The following NETO1 variants were observed in gnomAD, a reference collection of about 807,000 sequenced individuals.
The protein encoded by NETO1 is neuropilin and tolloid like 1, also known as neuropilin and tolloid-like protein 1.
In NETO1, 26 loss-of-function variants were observed where a neutral mutation model predicts 61.3. The ratio of observed to expected loss-of-function variants is 0.42; its 90% CI spans 0.31 to 0.59. The LOEUF (loss-of-function observed/expected upper bound fraction) is 0.59, where lower values mean the gene tolerates loss of function less well. Among genes scored for constraint, NETO1 ranks in the 20% least tolerant of loss-of-function variants. NETO1 has a pLI of 0.12. For synonymous variants in NETO1, 225 were observed against 225.8 expected, an observed-to-expected ratio of 1.00 and a Z score of 0.03; for missense variants, 531 against 662.8, an observed-to-expected ratio of 0.80 and a Z score of 2.18.
rs117183005 is a variant in NETO1, at chr18:72,830,440, C to T, written c.469+28386G>A. Among the ~76,000 whole-genome samples the T allele has an allele frequency of 1.1e-3, 162 of 152,154 alleles. 1 individual carries two copies. Among genetic ancestry groups the T allele is most frequent in the Middle Eastern group, 6.8e-3 (2 of 294 alleles). On this transcript the variant is annotated intron_variant, in intron 4 of 10. Coordinates refer to ENST00000327305, the MANE Select transcript of NETO1 (RefSeq NM_138966.5). The surrounding 1 kb of genome is among the most constrained non-coding windows in gnomAD (Gnocchi z 4.9). Reference sequence around the variant, plus strand: ...ATTTTGTGAGATCACCTTTGCTGGGCGGTGAAAGGGACCAGGGCATCTAAA... The same window carrying T: ...ATTTTGTGAGATCACCTTTGCTGGGTGGTGAAAGGGACCAGGGCATCTAAA...
At chr18:72,853,014 T>C (rs184340889) in intron 4 of NETO1, among the ~76,000 whole-genome samples, 1 of 151,862 alleles carries the variant, frequency 6.6e-6, no homozygotes, top group Non-Finnish European at 1.5e-5. Context: ...TTTGTATTTT[T>C]AGTAGAGACA....
At chr18:72,811,669 G>T (rs1486259425) in intron 4 of NETO1, among the ~76,000 whole-genome samples, 1 of 152,156 alleles carries the variant, frequency 6.6e-6, no homozygotes, top group Non-Finnish European at 1.5e-5. Context: ...GCCGGGTGTG[G>T]TGGCATGTGC....
At chr18:72,838,904 T>G (rs535390243) in intron 4 of NETO1, among the ~76,000 whole-genome samples, 1 of 152,310 alleles carries the variant, frequency 6.6e-6, no homozygotes, top group Non-Finnish European at 1.5e-5. Flanking sequence ...TTCATTAAAA[T>G]TTTGGAGCAA....
At chr18:72,766,530 G>A (rs2145156173) in intron 7 of NETO1, among the ~76,000 whole-genome samples, 1 of 151,880 alleles carries the variant, frequency 6.6e-6, no homozygotes, top group African/African-American at 2.4e-5. Context: ...CTTCATAGTT[G>A]TTTTGAAAAA....
chr18:72,867,782 C>CGGG lies in NETO1; in HGVS notation c.-492_-491insCCC, dbSNP rs2074786015. On this transcript the variant is annotated 5_prime_UTR_variant, in exon 1 of 11. Transcript: ENST00000327305. ...CCGACGGCAGCGACGGAGCGGGCGG[C>CGGG]GGCGGCGGCGCCGGCGGCGGCGGGG... is the stretch of plus-strand genomic sequence containing the variant. 1 of 156,140 alleles carries CGGG rather than the reference C, an allele frequency of 6.4e-6. No homozygotes were observed. The highest frequency in any genetic ancestry group is 1.4e-5 in the Non-Finnish European group (1 of 73,624). The allele number at this position is 156,140 out of a possible 1,614,324, so 9.7% of individuals were successfully genotyped here. A position where few individuals can be genotyped will look rare whatever the true frequency, so the allele number is the denominator to read the frequency against.
At chr18:72,754,264 A>C (rs972941356) in intron 8 of NETO1, among the ~76,000 whole-genome samples, 1 of 152,142 alleles carries the variant, frequency 6.6e-6, no homozygotes, top group Admixed American at 6.6e-5. Flanking sequence ...GCAATAAAGA[A>C]GGAAAAGAGA....
chr18:72,863,266 T>C (rs894929666), intron 3 of NETO1, among the ~76,000 whole-genome samples: 2 of 152,212 alleles, frequency 1.3e-5, no homozygotes, highest in African/African-American at 2.4e-5. Context: ...AACCATATCA[T>C]AGCTCTGAAC....
intron 4 of NETO1, among the ~76,000 whole-genome samples, chr18:72,829,152 A>T (rs1468105895): frequency 6.6e-6 from 1 of 152,238 alleles, no homozygotes; most frequent in Non-Finnish European, 1.5e-5. Context: ...CACAATCATT[A>T]TAAAAAAAGA....
chr18:72,761,934 C>G (rs1343603612), intron 7 of NETO1, among the ~76,000 whole-genome samples: 2 of 152,132 alleles, frequency 1.3e-5, no homozygotes, highest in Non-Finnish European at 1.5e-5. Flanking sequence ...CTTGCACCCA[C>G]TGAAAGATTC....
chr18:72,797,565 T>C (rs1047303548), intron 4 of NETO1, among the ~76,000 whole-genome samples: 22 of 152,192 alleles, frequency 1.4e-4, no homozygotes, highest in African/African-American at 4.6e-4. Context: ...CACGATAACG[T>C]TGGACTTGGT....
intron 7 of NETO1, among the ~76,000 whole-genome samples, chr18:72,767,131 AG>A (rs1159999670): frequency 2.6e-5 from 4 of 152,206 alleles, no homozygotes; most frequent in African/African-American, 9.6e-5. Flanking sequence ...AGTCCCACAA[AG>A]GGGGCCTGCA....
intron 7 of NETO1, among the ~76,000 whole-genome samples, chr18:72,782,306 G>T (rs2145224252): frequency 6.6e-6 from 1 of 152,290 alleles, no homozygotes; most frequent in African/African-American, 2.4e-5. Flanking sequence ...TGGGGACAGT[G>T]CTGTGATGAA....
intron 7 of NETO1, among the ~76,000 whole-genome samples, chr18:72,772,929 C>T (rs1350668029): frequency 8.2e-5 from 12 of 145,888 alleles, no homozygotes; most frequent in African/African-American, 3.0e-4. Context: ...ATTTCTGGTA[C>T]TCTGTCTCTT....
At chr18:72,775,535 A>T (rs1482832254) in intron 7 of NETO1, among the ~76,000 whole-genome samples, 1 of 152,228 alleles carries the variant, frequency 6.6e-6, no homozygotes, top group East Asian at 1.9e-4. Flanking sequence ...ATGCTATATG[A>T]TTATGGTGTG....
In NETO1 at chr18:72,858,973, A is replaced by C; in HGVS notation, c.322T>G (p.Phe108Val). 6.2e-7 allele frequency: 1 copy of C among 1,613,920 alleles called. No homozygotes were observed. Among genetic ancestry groups the C allele is most frequent in the South Asian group, 1.1e-5 (1 of 91,072 alleles). ...CGTCCAATTATTGGAGAAAAGCCAAAAGGTCCATCTCGAACTTCAATATGA... is the reference window on the plus strand; with the variant it reads ...CGTCCAATTATTGGAGAAAAGCCAACAGGTCCATCTCGAACTTCAATATGA... ...FDHIEVRDGP[F>V]GFSPIIGRFC... is the part of the protein sequence containing the mutation. Residue 108 changes from phenylalanine (F) to valine (V), a missense_variant, in exon 4 of 11, where the codon TTT becomes GTT. Physicochemically the swap from Phe to Val is conservative, Grantham distance 50 (BLOSUM62 -1). Coordinates refer to ENST00000327305, the MANE Select transcript of NETO1 (RefSeq NM_138966.5).
In NETO1 at chr18:72,789,210, G is replaced by GCACACACACACA. The variant is rs71166426; in HGVS notation, c.639+4895_639+4906dup. On this transcript the variant is annotated intron_variant, in intron 6 of 10. Coordinates refer to ENST00000327305, the MANE Select transcript of NETO1 (RefSeq NM_138966.5). The stretch of plus-strand genomic sequence containing the variant: ...TGCTTTATAAAATATTAACACACAA[G>GCACACACACACA]CACACACACACACACACACACACAC... 2.8e-3 allele frequency among the ~76,000 whole-genome samples: 399 copies of GCACACACACACA among 141,552 alleles called. 2 individuals carry two copies. The highest frequency in any genetic ancestry group is 0.011 in the Middle Eastern group (3 of 272). 92.9% of individuals were successfully genotyped at this position (141,552 alleles called of 152,430 possible). A position where few individuals can be genotyped will look rare whatever the true frequency, so the allele number is the denominator to read the frequency against.
At chr18:72,835,463 A>T in intron 4 of NETO1, 1 of 478,598 alleles carries the variant, frequency 2.1e-6, no homozygotes, top group Non-Finnish European at 3.7e-6. Context: ...ACTCCTGTTT[A>T]TTCTATTCTA....
Position 72,749,100 on chromosome 18 carries a change from TG to T in NETO1, c.1542-13del. ...CAATGAGGCAGAACCTGGAATGTTA[TG>T]GCTATTTCATTCAACAAAGTACTAT... On this transcript the variant is annotated splice_polypyrimidine_tract_variant and intron_variant, in intron 9 of 10. Transcript: ENST00000327305. 1.3e-6 allele frequency: 2 copies of T among 1,526,732 alleles called. No individual in the cohort carries two copies. Among genetic ancestry groups the T allele is most frequent in the Non-Finnish European group, 1.8e-6 (2 of 1,101,784 alleles). 94.6% of individuals were successfully genotyped at this position (1,526,732 alleles called of 1,614,324 possible).
intron 6 of NETO1, among the ~76,000 whole-genome samples, chr18:72,790,434 T>C (rs1180734305): frequency 6.6e-6 from 1 of 151,960 alleles, no homozygotes; most frequent in Non-Finnish European, 1.5e-5. Context: ...GAATTGGGAG[T>C]TGTTAACCTT....
Sources: gnomAD v4.1 joint callset for allele counts (sites outside exome capture counted in the v4.1 genomes callset) on GRCh38, gnomAD v4.1.1 for gene constraint, Gnocchi (gnomAD v3.1) non-coding constraint, MANE v1.5 for transcripts, NCBI Gene and HGNC (gene_info 2026-07-23, HGNC 2026-07-21) for gene names.